Variants in SYN3 observed in about 807,000 individuals in gnomAD.
The protein encoded by SYN3 is synapsin III, also known as synapsin-3.
Under a neutral mutation model 65.8 loss-of-function variants are expected in SYN3, and 35 were observed. The ratio of observed to expected loss-of-function variants is 0.53; its 90% CI spans 0.41 to 0.70. The LOEUF (loss-of-function observed/expected upper bound fraction) is 0.70, where lower values mean the gene tolerates loss of function less well. Ranked by LOEUF, SYN3 falls within the 30% of genes least tolerant of loss-of-function variation. The probability of loss-of-function intolerance (pLI) is 0.00; values close to 1 mark genes in which losing one functional copy is unlikely to be tolerated. For synonymous variants in SYN3, 270 were observed against 292.9 expected (o/e 0.92, Z 0.80); for missense variants, 680 against 749.0 (o/e 0.91, Z 1.08).
intron 3 of SYN3, among the ~76,000 whole-genome samples, chr22:32,960,631 GT>G (rs2051618338): frequency 6.6e-6 from 1 of 152,188 alleles, no homozygotes; most frequent in African/African-American, 2.4e-5. Context: ...TCCTGGTTAT[GT>G]TTAAGACAAC....
chr22:32,674,248 C>T (rs1439736163), intron 6 of SYN3, among the ~76,000 whole-genome samples: 1 of 152,164 alleles, frequency 6.6e-6, no homozygotes, highest in East Asian at 1.9e-4. Context: ...GCCATTTCTG[C>T]AGCCAGTCTT....
In SYN3 at chr22:32,596,689, G is replaced by T. The variant is rs186528293; in HGVS notation, c.759C>A (p.His253Gln). ...FPVVVKLGHA[H>Q]AGMGKIKVEN... ...TTTCTCATACCTTTCCCATTCCAGC[G>T]TGGGCATGTCCCAGCTTGACTACCA... The change falls in exon 7 of 14, where the codon CAC becomes CAA. Residue 253 changes from histidine to glutamine, a missense_variant. Physicochemically the swap from His to Gln is conservative, Grantham distance 24 (BLOSUM62 0). Transcript: ENST00000358763. The T allele has an allele frequency of 1.2e-6, 2 of 1,614,044 alleles. No individual in the cohort carries two copies. Among genetic ancestry groups the T allele is most frequent in the Non-Finnish European group, 1.7e-6 (2 of 1,179,970 alleles).
chr22:32,748,634 C>T (rs1206015794), intron 6 of SYN3, among the ~76,000 whole-genome samples: 1 of 152,170 alleles, frequency 6.6e-6, no homozygotes, highest in Non-Finnish European at 1.5e-5. Context: ...AATGATGTAA[C>T]TTGGAAGGTG....
intron 3 of SYN3, among the ~76,000 whole-genome samples, chr22:32,934,317 G>A (rs563365984): frequency 2.6e-5 from 4 of 152,276 alleles, no homozygotes; most frequent in African/African-American, 9.6e-5. Context: ...GGGCTGTCTC[G>A]CTGCCCAAAT....
chr22:32,688,346 C>A (rs1411012625), intron 6 of SYN3, among the ~76,000 whole-genome samples: 1 of 152,122 alleles, frequency 6.6e-6, no homozygotes, highest in Non-Finnish European at 1.5e-5. Context: ...TGAACAGTTA[C>A]TTCTGCTACT....
At chr22:32,745,820 G>A (rs1263493971) in intron 6 of SYN3, among the ~76,000 whole-genome samples, 1 of 152,190 alleles carries the variant, frequency 6.6e-6, no homozygotes, top group Non-Finnish European at 1.5e-5. Flanking sequence ...AATAGAGGCA[G>A]AAAGCCAGGA....
intron 7 of SYN3, among the ~76,000 whole-genome samples, chr22:32,561,549 G>C (rs2058586768): frequency 6.6e-6 from 1 of 152,124 alleles, no homozygotes; most frequent in Non-Finnish European, 1.5e-5. Flanking sequence ...TTTCAGTTGG[G>C]GGAATGATAA....
At chr22:32,552,350 A>T (rs1398668533) in intron 7 of SYN3, among the ~76,000 whole-genome samples, 1 of 152,188 alleles carries the variant, frequency 6.6e-6, no homozygotes, top group Non-Finnish European at 1.5e-5. Context: ...TTTGAGAGGA[A>T]GATTGGAGAT....
intron 6 of SYN3, among the ~76,000 whole-genome samples, chr22:32,806,398 T>TAAAAAC (rs2046737113): frequency 6.6e-6 from 1 of 152,172 alleles, no homozygotes; most frequent in Admixed American, 6.5e-5. Flanking sequence ...GTTCATTAAT[T>TAAAAAC]AAAAACAAAA....
intron 7 of SYN3, among the ~76,000 whole-genome samples, chr22:32,584,879 CTG>C (rs1287391376): frequency 6.6e-6 from 1 of 152,174 alleles, no homozygotes; most frequent in East Asian, 1.9e-4. Flanking sequence ...CTCAAAGGTA[CTG>C]ACATGTTTCT....
At chr22:32,673,175 G>T (rs1020202723) in intron 6 of SYN3, among the ~76,000 whole-genome samples, 1 of 152,214 alleles carries the variant, frequency 6.6e-6, no homozygotes, top group Admixed American at 6.5e-5. Flanking sequence ...AGGGTACGTA[G>T]GATGTTCTTT....
At chr22:32,768,306 G>A (rs2045679189) in intron 6 of SYN3, among the ~76,000 whole-genome samples, 1 of 152,116 alleles carries the variant, frequency 6.6e-6, no homozygotes, top group Non-Finnish European at 1.5e-5. Context: ...TAGGCTGCTG[G>A]AAAGACATGC....
intron 6 of SYN3, among the ~76,000 whole-genome samples, chr22:32,850,553 G>A (rs998257285): frequency 6.6e-6 from 1 of 152,142 alleles, no homozygotes; most frequent in Non-Finnish European, 1.5e-5. Flanking sequence ...CCAGCTAGGA[G>A]CCAGGGAGGC....
At chr22:32,873,501 T>A (rs908861102) in intron 4 of SYN3, among the ~76,000 whole-genome samples, 3 of 152,144 alleles carry the variant, frequency 2.0e-5, no homozygotes, top group African/African-American at 7.2e-5. Context: ...GTTGGGGGTG[T>A]AGTGGACTGT....
chr22:32,527,554 C>G (rs190223515), intron 12 of SYN3: 11 of 181,432 alleles, frequency 6.1e-5, no homozygotes, highest in Admixed American at 1.7e-4. Context: ...GAGCCGAGAT[C>G]GCACCACTGC....
chr22:32,614,368 T>C (rs1032869151), intron 6 of SYN3, among the ~76,000 whole-genome samples: 10 of 152,190 alleles, frequency 6.6e-5, no homozygotes, highest in African/African-American at 2.2e-4. Context: ...AAGAGAGAGA[T>C]GGACAAGGGT....
chr22:32,753,852 C>T (rs1236637647), intron 6 of SYN3, among the ~76,000 whole-genome samples: 1 of 152,168 alleles, frequency 6.6e-6, no homozygotes. Context: ...CTAACAGAAG[C>T]CAATGAGAGA....
chr22:32,970,406 C>T (rs755143648), intron 3 of SYN3, among the ~76,000 whole-genome samples: 11 of 151,520 alleles, frequency 7.3e-5, no homozygotes, highest in Non-Finnish European at 1.5e-4. Context: ...CTTTGTGAGG[C>T]CAAGGTGGGA....
chr22:32,569,256 A>AATCTATCTATCT (rs71320935), intron 7 of SYN3, among the ~76,000 whole-genome samples: 20,155 of 140,638 alleles, frequency 0.14, 1,589 homozygotes, highest in African/African-American at 0.16. Context: ...ATGCATCCAA[A>AATCTATCTATCT]ATCTATCTAT....
Sources: allele counts gnomAD v4.1 joint callset (sites outside exome capture counted in the v4.1 genomes callset), GRCh38; gene constraint gnomAD v4.1.1; transcripts MANE v1.5; gene names NCBI Gene and HGNC (gene_info 2026-07-23, HGNC 2026-07-21).